The following DPP10 variants were observed in gnomAD, a reference collection of about 807,000 sequenced individuals.
DPP10 encodes inactive dipeptidyl peptidase 10.
A neutral mutation model predicts 120.9 loss-of-function variants in DPP10; 33 were observed. That is an observed-to-expected ratio of 0.27 (90% CI 0.21 to 0.37). The LOEUF (loss-of-function observed/expected upper bound fraction) is 0.37, where lower values mean the gene tolerates loss of function less well. DPP10 is among the 10% of genes least tolerant of loss of function. DPP10 has a pLI of 1.00. For synonymous variants in DPP10, 337 were observed against 326.1 expected (o/e 1.03, Z -0.36); for missense variants, 816 against 942.8 (o/e 0.87, Z 1.76).
intron 1 of DPP10, among the ~76,000 whole-genome samples, chr2:115,053,175 A>G (rs1159766064): frequency 2.0e-5 from 3 of 152,302 alleles, no homozygotes; most frequent in African/African-American, 7.2e-5. Context: ...TCATGTTTAG[A>G]GCAGCATTAT....
At chr2:115,127,364 C>A (rs1376981254) in intron 1 of DPP10, among the ~76,000 whole-genome samples, 4 of 152,130 alleles carry the variant, frequency 2.6e-5, no homozygotes, top group African/African-American at 9.7e-5. Flanking sequence ...CAACTCTGGG[C>A]CCAATTTCAT....
At chr2:114,869,575 T>C (rs555182081) in intron 1 of DPP10, among the ~76,000 whole-genome samples, 2 of 152,278 alleles carry the variant, frequency 1.3e-5, no homozygotes, top group East Asian at 3.9e-4. Context: ...CCCTAGGTTA[T>C]ATAACTTGTG....
At chr2:115,747,002 T>C (rs1678064813) in intron 10 of DPP10, among the ~76,000 whole-genome samples, 1 of 152,180 alleles carries the variant, frequency 6.6e-6, no homozygotes, top group Admixed American at 6.5e-5. Flanking sequence ...TTCATTGACA[T>C]TATTTAGAAA....
intron 1 of DPP10, among the ~76,000 whole-genome samples, chr2:114,722,625 A>T (rs940845567): frequency 6.6e-6 from 1 of 151,786 alleles, no homozygotes; most frequent in Non-Finnish European, 1.5e-5. Flanking sequence ...AAATACAAAA[A>T]ATTAGCCGGG....
intron 1 of DPP10, among the ~76,000 whole-genome samples, chr2:114,725,717 G>A (rs1392087018): frequency 6.6e-6 from 1 of 152,096 alleles, no homozygotes; most frequent in Non-Finnish European, 1.5e-5. Flanking sequence ...TCCTCCTTAT[G>A]TCTCTTTTAC....
chr2:114,913,049 T>A (rs1441666691), intron 1 of DPP10, among the ~76,000 whole-genome samples: 2 of 152,178 alleles, frequency 1.3e-5, no homozygotes, highest in African/African-American at 4.8e-5. Flanking sequence ...TACCCCTCTG[T>A]CTTCAGATCT....
At chr2:115,321,760 A>C (rs994174052) in intron 2 of DPP10, among the ~76,000 whole-genome samples, 1 of 151,460 alleles carries the variant, frequency 6.6e-6, no homozygotes, top group Non-Finnish European at 1.5e-5. Flanking sequence ...ATTTTAATTG[A>C]TCTATTATTA....
chr2:115,162,409 G>T (rs924731865), intron 1 of DPP10: 1 of 1,251,922 alleles, frequency 8.0e-7, no homozygotes, highest in East Asian at 3.1e-5. Context: ...CCTGACGGCC[G>T]CTCACCGGGT....
chr2:114,561,984 A>G (rs1688800775), intron 1 of DPP10, among the ~76,000 whole-genome samples: 1 of 152,222 alleles, frequency 6.6e-6, no homozygotes. Flanking sequence ...AAATAACTTC[A>G]ACTAAGATAA....
chr2:115,653,585 T>C (rs2088000992), intron 5 of DPP10, among the ~76,000 whole-genome samples: 1 of 151,986 alleles, frequency 6.6e-6, no homozygotes, highest in Non-Finnish European at 1.5e-5. Context: ...TACAATAAAT[T>C]CTATCCACAA....
chr2:115,358,480 C>G (rs2064552916), intron 3 of DPP10, among the ~76,000 whole-genome samples: 1 of 152,154 alleles, frequency 6.6e-6, no homozygotes, highest in South Asian at 2.1e-4. Context: ...GAGTTCCAAA[C>G]TTTCTCACAT....
At chr2:114,473,639 AAC>A (rs1680120566) in intron 1 of DPP10, among the ~76,000 whole-genome samples, 1 of 152,178 alleles carries the variant, frequency 6.6e-6, no homozygotes, top group Admixed American at 6.5e-5. Flanking sequence ...AAAAATTGTG[AAC>A]AGTCCCAGAT....
At chr2:114,822,413 C>A (rs1686173669) in intron 1 of DPP10, among the ~76,000 whole-genome samples, 3 of 152,050 alleles carry the variant, frequency 2.0e-5, no homozygotes, top group Admixed American at 2.0e-4. Context: ...ACCATTTTTT[C>A]CTCTTAGCCT....
chr2:115,187,031 T>C (rs1042563204), intron 1 of DPP10, among the ~76,000 whole-genome samples: 21 of 65,592 alleles, frequency 3.2e-4, no homozygotes, highest in African/African-American at 1.6e-3. Context: ...TTTTTTTTTT[T>C]TTTTTTTTTT....
chr2:115,387,040 T>A (rs2066992878), intron 3 of DPP10, among the ~76,000 whole-genome samples: 1 of 152,162 alleles, frequency 6.6e-6, no homozygotes, highest in African/African-American at 2.4e-5. Flanking sequence ...CCGTTTTGAA[T>A]GAAAAATTTC....
intron 1 of DPP10, among the ~76,000 whole-genome samples, chr2:114,848,414 A>G (rs1465960769): frequency 6.6e-6 from 1 of 152,172 alleles, no homozygotes; most frequent in East Asian, 1.9e-4. Flanking sequence ...CATGGCACTC[A>G]AAGAGTAAAC....
intron 4 of DPP10, among the ~76,000 whole-genome samples, chr2:115,510,668 GCAAA>G (rs1450807800): frequency 6.6e-6 from 1 of 152,008 alleles, no homozygotes; most frequent in African/African-American, 2.4e-5. Context: ...CGTAAAATTT[GCAAA>G]CAAAGTCAAA....
chr2:114,449,525 GCCCTA>G (rs1004849218), intron 1 of DPP10, among the ~76,000 whole-genome samples: 1 of 149,712 alleles, frequency 6.7e-6, no homozygotes, highest in African/African-American at 2.5e-5. Flanking sequence ...CATACAGCCT[GCCCTA>G]CTACCTGCAA....
chr2:115,471,037 GT>G (rs1019394954), intron 3 of DPP10, among the ~76,000 whole-genome samples: 138 of 151,862 alleles, frequency 9.1e-4, no homozygotes, highest in African/African-American at 3.2e-3. Context: ...TATCTTATGA[GT>G]TTTTTTTGTC....
Sources: gnomAD v4.1 joint callset for allele counts (sites outside exome capture counted in the v4.1 genomes callset) on GRCh38, gnomAD v4.1.1 for gene constraint, MANE v1.5 for transcripts, NCBI Gene and HGNC (gene_info 2026-07-23, HGNC 2026-07-21) for gene names.